SPMIP2: variants seen among roughly 807,000 people sequenced by gnomAD.
The protein encoded by SPMIP2 is sperm microtubule inner protein 2, also known as protein SPMIP2.
At chr4:159,041,224 C>A in the SPMIP2 span, among the ~76,000 whole-genome samples, 2 of 152,182 alleles carry the variant, frequency 1.3e-5, no homozygotes, top group Non-Finnish European at 2.9e-5. Context: ...CCCTGCCGGG[C>A]CAATCAACCC....
the SPMIP2 span, among the ~76,000 whole-genome samples, chr4:158,964,204 G>C: frequency 2.0e-5 from 3 of 147,930 alleles, no homozygotes; most frequent in African/African-American, 5.3e-5. Context: ...CATGTGGAGG[G>C]ATCATGGAGT....
chr4:158,957,362 G>A, the SPMIP2 span, among the ~76,000 whole-genome samples: 2 of 152,094 alleles, frequency 1.3e-5, no homozygotes, highest in Non-Finnish European at 2.9e-5. Flanking sequence ...GTAATTTGAT[G>A]TACTCTTTCC....
the SPMIP2 span, among the ~76,000 whole-genome samples, chr4:159,024,992 G>A: frequency 6.6e-6 from 1 of 152,152 alleles, no homozygotes; most frequent in Non-Finnish European, 1.5e-5. Context: ...ACCCTATGAA[G>A]TAGATATTAT....
the SPMIP2 span, among the ~76,000 whole-genome samples, chr4:158,963,210 C>A: frequency 6.6e-6 from 1 of 151,944 alleles, no homozygotes; most frequent in Admixed American, 6.6e-5. Context: ...GTTGAGCATG[C>A]TAAGTGCTTT....
the SPMIP2 span, among the ~76,000 whole-genome samples, chr4:159,031,763 T>C: frequency 7.2e-4 from 109 of 152,286 alleles, no homozygotes; most frequent in African/African-American, 2.6e-3. Flanking sequence ...ATACGAGAGA[T>C]GTGAGTCAAA....
chr4:158,928,096 C>A, the SPMIP2 span, among the ~76,000 whole-genome samples: 5 of 152,240 alleles, frequency 3.3e-5, no homozygotes, highest in Non-Finnish European at 7.3e-5. Flanking sequence ...AGGCGCAAGG[C>A]ACGGGACTGG....
the SPMIP2 span, among the ~76,000 whole-genome samples, chr4:159,001,287 T>G: frequency 1.3e-5 from 2 of 152,236 alleles, no homozygotes; most frequent in South Asian, 2.1e-4. Context: ...TATATTTTCT[T>G]TAGTAAAGTG....
chr4:158,928,025 G>A, the SPMIP2 span, among the ~76,000 whole-genome samples: 1 of 152,166 alleles, frequency 6.6e-6, no homozygotes, highest in African/African-American at 2.4e-5. Context: ...CCTCCTCAAT[G>A]AGCGCCGCCC....
chr4:158,917,123 G>A, the SPMIP2 span, among the ~76,000 whole-genome samples: 3,080 of 152,288 alleles, frequency 0.02, 102 homozygotes, highest in African/African-American at 0.071. Flanking sequence ...AATGGCACAC[G>A]CCTGTAGTCC....
At chr4:158,933,924 C>T in the SPMIP2 span, among the ~76,000 whole-genome samples, 5 of 152,098 alleles carry the variant, frequency 3.3e-5, no homozygotes, top group Non-Finnish European at 7.4e-5. Flanking sequence ...GACACAAATG[C>T]CTGACTTTTT....
At chr4:158,943,858 C>CTTTTTTTTTTTTTTTTTTTTTTTTTT in the SPMIP2 span, among the ~76,000 whole-genome samples, 1 of 101,934 alleles carries the variant, frequency 9.8e-6, no homozygotes. Flanking sequence ...TTGACATTTT[C>CTTTTTTTTTTTTTTTTTTTTTTTTTT]TTTTTTTTTT....
At chr4:158,900,271 A>G in the SPMIP2 span, among the ~76,000 whole-genome samples, 84 of 152,278 alleles carry the variant, frequency 5.5e-4, no homozygotes, top group Admixed American at 1.8e-3. Context: ...TTTTGTGGTC[A>G]ATTTTAGAAT....
the SPMIP2 span, among the ~76,000 whole-genome samples, chr4:159,061,022 C>G: frequency 6.6e-6 from 1 of 151,154 alleles, no homozygotes; most frequent in Non-Finnish European, 1.5e-5. Flanking sequence ...GAGGTCAAGG[C>G]TGCAGTGAGC....
chr4:159,027,825 A>G, the SPMIP2 span, among the ~76,000 whole-genome samples: 1 of 152,304 alleles, frequency 6.6e-6, no homozygotes, highest in Non-Finnish European at 1.5e-5. Context: ...TTACATATAC[A>G]TTTATGTGCT....
chr4:159,062,175 T>C, the SPMIP2 span, among the ~76,000 whole-genome samples: 1 of 152,228 alleles, frequency 6.6e-6, no homozygotes, highest in African/African-American at 2.4e-5. Flanking sequence ...CCGATTCCAC[T>C]GTGAGCAGCT....
At chr4:158,938,197 G>C in the SPMIP2 span, among the ~76,000 whole-genome samples, 1 of 152,152 alleles carries the variant, frequency 6.6e-6, no homozygotes, top group Non-Finnish European at 1.5e-5. Context: ...CACAAGAGAC[G>C]TCATCCCAAA....
At chr4:158,953,248 G>T in the SPMIP2 span, among the ~76,000 whole-genome samples, 1 of 152,222 alleles carries the variant, frequency 6.6e-6, no homozygotes, top group Non-Finnish European at 1.5e-5. Flanking sequence ...CCTGTGCTGT[G>T]TGCAGCCTAG....
chr4:158,972,493 A>C, the SPMIP2 span, among the ~76,000 whole-genome samples: 1 of 152,226 alleles, frequency 6.6e-6, no homozygotes, highest in Admixed American at 6.5e-5. Context: ...CTGGAAAAAA[A>C]TATCCAAATT....
the SPMIP2 span, among the ~76,000 whole-genome samples, chr4:158,966,909 A>T: frequency 6.6e-6 from 1 of 152,208 alleles, no homozygotes; most frequent in Non-Finnish European, 1.5e-5. Context: ...TAAAAGAGAG[A>T]GAAAGCCCTG....
Sources: gnomAD v4.1 joint callset for allele counts (sites outside exome capture counted in the v4.1 genomes callset) on GRCh38, gnomAD v4.1.1 for gene constraint, MANE v1.5 for transcripts, NCBI Gene and HGNC (gene_info 2026-07-23, HGNC 2026-07-21) for gene names.